TRRAP: variants seen among roughly 807,000 people sequenced by gnomAD.
TRRAP encodes the protein transformation/transcription domain associated protein, also known as transformation/transcription domain-associated protein.
A neutral mutation model predicts 438.8 loss-of-function variants in TRRAP; 41 were observed. The ratio of observed to expected loss-of-function variants is 0.09; its 90% confidence interval spans 0.07 to 0.12. TRRAP has a LOEUF of 0.12. Ranked by LOEUF, TRRAP falls within the 10% of genes least tolerant of loss-of-function variation. The pLI is 1.00. For synonymous variants in TRRAP, 1,994 were observed against 1,962.9 expected (o/e 1.02, Z -0.42); for missense variants, 3,122 against 5,055.1 (o/e 0.62, Z 11.60).
intron 41 of TRRAP, among the ~76,000 whole-genome samples, 189 bp downstream of exon 41, chr7:98,955,493 A>G (rs749801897): frequency 2.0e-5 from 3 of 152,212 alleles, no homozygotes; most frequent in Non-Finnish European, 4.4e-5. Context: ...TATAGAGAAT[A>G]TGTCACAGGT....
chr7:98,975,990 G>T, intron 53 of TRRAP, 159 bp from the exon 54 acceptor site: 1 of 973,814 alleles, frequency 1.0e-6, no homozygotes, highest in African/African-American at 1.6e-5. Context: ...AGGATCTGTG[G>T]GCTTTTACTC....
At chr7:98,954,934 A>G (rs1443169260) in intron 40 of TRRAP, among the ~76,000 whole-genome samples, 164 bp from the exon 41 acceptor site, 3 of 152,254 alleles carry the variant, frequency 2.0e-5, no homozygotes, top group African/African-American at 7.2e-5. Context: ...TTCATTGGTC[A>G]AAACTTAACA....
chr7:98,884,645 T>A (rs1795611194), intron 3 of TRRAP, among the ~76,000 whole-genome samples: 1 of 152,176 alleles, frequency 6.6e-6, no homozygotes, highest in Non-Finnish European at 1.5e-5. Context: ...CCCCATTCCC[T>A]TGCTCTGTGG....
rs79836483 is a variant in TRRAP at position 99,012,048 on chromosome 7, G to A, written c.11338-23G>A. The A allele has an allele frequency of 3.1e-5, 50 of 1,608,798 alleles. No homozygotes were observed. In the East Asian group the frequency reaches 3.4e-4, roughly 11 times the overall value. On this transcript the variant is annotated intron_variant, in intron 72 of 72. Coordinates refer to ENST00000456197, the MANE Select transcript of TRRAP (RefSeq NM_001375524.1). The surrounding 1 kb of genome is among the most constrained non-coding windows in gnomAD (Gnocchi z 5.9). Reference sequence around the variant, plus strand: ...GGCTGTTCTTGGTTAAACACAAGTCGTCTCGTTCTCTCCCTCACGCAGGTG... The same window carrying A: ...GGCTGTTCTTGGTTAAACACAAGTCATCTCGTTCTCTCCCTCACGCAGGTG...
Position 98,916,498 on chromosome 7 carries a change from GA to G in TRRAP, c.2365+611del, listed in dbSNP as rs1395067011. Among the ~76,000 whole-genome samples the G allele has an allele frequency of 3.3e-5, 5 of 152,276 alleles. No individual in the cohort carries two copies. The East Asian group carries it at 9.7e-4, about 29-fold the overall frequency. ...TATGGTGAGCTCTTGGCAAGGGATT[GA>G]CCCTTCTCATGTATTTCCTTAACTT... On this transcript the variant is annotated intron_variant, in intron 19 of 72. Transcript: ENST00000456197.
chr7:99,008,699 A>G, intron 70 of TRRAP, 138 bp downstream of exon 70: 1 of 921,644 alleles, frequency 1.1e-6, no homozygotes, highest in Non-Finnish European at 1.6e-6. Flanking sequence ...TAACTTTATT[A>G]GACTCATGAG....
At position 98,948,555 on chromosome 7, in the gene TRRAP, A is replaced by G. The variant is rs782625438; in HGVS notation, c.4669-11A>G. The G allele has an allele frequency of 1.2e-6, 2 of 1,613,940 alleles. No homozygotes were observed. Among genetic ancestry groups the G allele is most frequent in the Non-Finnish European group, 1.7e-6 (2 of 1,180,014 alleles). On this transcript the variant is annotated splice_polypyrimidine_tract_variant and intron_variant, in intron 34 of 72. Coordinates refer to ENST00000456197, the MANE Select transcript of TRRAP (RefSeq NM_001375524.1). This position sits in a 1 kb window ranked among gnomAD's most constrained non-coding sequence, Gnocchi z 4.9. Reference sequence around the variant, plus strand: ...AAGTTGTGAGATGCAGCATTCCCACATGTTTTGCAGGCGGGGAGTCCATTC... The same window carrying G: ...AAGTTGTGAGATGCAGCATTCCCACGTGTTTTGCAGGCGGGGAGTCCATTC...
At chr7:98,952,418 C>T (rs1554418383) in intron 39 of TRRAP, among the ~76,000 whole-genome samples, 1 of 152,146 alleles carries the variant, frequency 6.6e-6, no homozygotes, top group Non-Finnish European at 1.5e-5. Context: ...AATTAAGAAA[C>T]TCAGTCCTAA....
chr7:98,898,366 C>T (rs1554406117), intron 8 of TRRAP, among the ~76,000 whole-genome samples: 2 of 152,206 alleles, frequency 1.3e-5, no homozygotes, highest in Non-Finnish European at 1.5e-5. Flanking sequence ...GAAGGTAATG[C>T]TGGCATGGTC....
At chr7:99,004,103 A>G in intron 67 of TRRAP, 87 bp from the exon 68 acceptor site, 1 of 1,242,178 alleles carries the variant, frequency 8.1e-7, no homozygotes, top group Non-Finnish European at 1.1e-6. Flanking sequence ...TGTAATTCGT[A>G]GCTGGTAGGG....
intron 20 of TRRAP, among the ~76,000 whole-genome samples, chr7:98,919,517 C>G (rs539487771): frequency 6.6e-6 from 1 of 152,082 alleles, no homozygotes; most frequent in Non-Finnish European, 1.5e-5. Context: ...TGGAAGAATC[C>G]GTTGAACTCA....
intron 19 of TRRAP, among the ~76,000 whole-genome samples, chr7:98,916,109 T>TC (rs1486000253): frequency 7.7e-5 from 11 of 142,348 alleles, no homozygotes; most frequent in Non-Finnish European, 1.1e-4. Flanking sequence ...TTCCCCTCCC[T>TC]CCTCAGCATT....
chr7:98,962,234 T>A (rs779010553), intron 46 of TRRAP, 68 bp from the exon 47 acceptor site: 3 of 1,607,628 alleles, frequency 1.9e-6, no homozygotes, highest in Non-Finnish European at 2.6e-6. Flanking sequence ...CAGCACTCAG[T>A]CCCTGGCATC....
chr7:98,994,513 A>G lies in TRRAP; in HGVS notation c.10048-74A>G. ...ACCCTGGGCTGGGAGGGCCGCACTC[A>G]ATAGGCGCTTTTGGCTGCTGGTTCT... On this transcript the variant is annotated intron_variant, in intron 66 of 72. Transcript: ENST00000456197. The surrounding 1 kb of genome is among the most constrained non-coding windows in gnomAD (Gnocchi z 4.8). The G allele has an allele frequency of 2.5e-6, 4 of 1,595,296 alleles. No individual in the cohort carries two copies. The highest frequency in any genetic ancestry group is 3.4e-6 in the Non-Finnish European group (4 of 1,170,536).
intron 1 of TRRAP, among the ~76,000 whole-genome samples, chr7:98,880,262 G>GTTTTTTTTTTTTTTTTT (rs201053093): frequency 7.6e-6 from 1 of 132,106 alleles, no homozygotes; most frequent in Non-Finnish European, 1.6e-5. Context: ...TGTTGTTGTT[G>GTTTTTTTTTTTTTTTTT]TTTTTTTTTT....
intron 3 of TRRAP, among the ~76,000 whole-genome samples, chr7:98,884,859 G>C (rs1377462236): frequency 1.3e-5 from 2 of 152,078 alleles, no homozygotes; most frequent in Non-Finnish European, 2.9e-5. Flanking sequence ...TGGGAGTCAT[G>C]CTCCGGTACT....
rs770840173 is a variant in TRRAP, at chr7:98,976,553, G to C, written c.8030G>C (p.Ser2677Thr). The C allele has an allele frequency of 6.2e-7, 1 of 1,613,864 alleles. No homozygotes were observed. The change falls in exon 55 of 73, where the codon AGC (serine) becomes ACC (threonine). Residue 2677 changes from serine to threonine, a missense_variant. By Grantham distance (58) the Ser-to-Thr change is moderately conservative (BLOSUM62 1). Coordinates refer to ENST00000456197, the MANE Select transcript of TRRAP (RefSeq NM_001375524.1). This position sits in a 1 kb window ranked among gnomAD's most constrained non-coding sequence, Gnocchi z 4.6. ...CAGGTGCAGCGGGACTGCCAGCCCA[G>C]CGCGCTGAACTGCTTTGTGGAAGCC... ...SHQVQRDCQP[S>T]ALNCFVEAMS...
Position 98,965,814 on chromosome 7 carries a change from A to T in TRRAP, c.7095A>T (p.Ser2365=). Reference sequence around the variant, plus strand: ...TCCTGACATCCCTCATCGAAAAATCACCAGATGCCAAAATCCTCCGGGCTG... The same window carrying T: ...TCCTGACATCCCTCATCGAAAAATCTCCAGATGCCAAAATCCTCCGGGCTG... The part of the protein sequence containing the change: ...QAILTSLIEK[S]PDAKILRAVV... Residue 2365 remains serine, a synonymous_variant, in exon 49 of 73, where the codon TCA becomes TCT. Coordinates refer to ENST00000456197, the MANE Select transcript of TRRAP (RefSeq NM_001375524.1). 6.2e-7 allele frequency: 1 copy of T among 1,614,128 alleles called. No individual in the cohort carries two copies. The highest frequency in any genetic ancestry group is 1.3e-5 in the African/African-American group (1 of 75,040).
chr7:98,879,001 G>T (rs1433070656), intron 1 of TRRAP, among the ~76,000 whole-genome samples: 1 of 151,990 alleles, frequency 6.6e-6, no homozygotes, highest in Non-Finnish European at 1.5e-5. Flanking sequence ...TGTCCCTCCG[G>T]AGGCGCCCCC....
Sources: gnomAD v4.1 joint callset for allele counts (sites outside exome capture counted in the v4.1 genomes callset) on GRCh38, gnomAD v4.1.1 for gene constraint, Gnocchi (gnomAD v3.1) non-coding constraint, MANE v1.5 for transcripts, NCBI Gene and HGNC (gene_info 2026-07-23, HGNC 2026-07-21) for gene names.